The following DCAF1 variants were observed in gnomAD, a reference collection of about 807,000 sequenced individuals.
The protein encoded by DCAF1 is DDB1- and CUL4-associated factor 1.
Under a neutral mutation model 128.0 loss-of-function variants are expected in DCAF1, and 15 were observed. The observed-to-expected ratio is 0.12, with a 90% CI of 0.08 to 0.18. The LOEUF (loss-of-function observed/expected upper bound fraction) is 0.18. Ranked by LOEUF, DCAF1 falls within the 10% of genes least tolerant of loss-of-function variation. The pLI, the probability that DCAF1 is intolerant of heterozygous loss-of-function variation, is 1.00. For synonymous variants in DCAF1, 610 were observed against 603.0 expected (o/e 1.01, Z -0.17); for missense variants, 988 against 1,649.5 (o/e 0.60, Z 6.95).
intron 2 of DCAF1, among the ~76,000 whole-genome samples, chr3:51,490,417 C>T (rs868984618): frequency 2.0e-5 from 3 of 151,964 alleles, no homozygotes; most frequent in Non-Finnish European, 4.4e-5. Context: ...GAAGACATAG[C>T]GGGACCCTGT....
intron 2 of DCAF1, among the ~76,000 whole-genome samples, chr3:51,488,923 C>A (rs1553656687): frequency 6.6e-6 from 1 of 152,132 alleles, no homozygotes; most frequent in African/African-American, 2.4e-5. Flanking sequence ...CAAGATAGCA[C>A]CACTGCATTC....
chr3:51,403,570 C>A (rs1553625704), intron 23 of DCAF1, among the ~76,000 whole-genome samples, 175 bp from the exon 24 acceptor site: 1 of 152,212 alleles, frequency 6.6e-6, no homozygotes. Flanking sequence ...CTGAGATAGG[C>A]ACACATGTCC....
intron 7 of DCAF1, among the ~76,000 whole-genome samples, chr3:51,443,447 G>A (rs1466483134): frequency 6.6e-6 from 1 of 151,948 alleles, no homozygotes; most frequent in Non-Finnish European, 1.5e-5. Flanking sequence ...AAAATTAGCT[G>A]GGCATAGTAG....
At chr3:51,421,583 C>A (rs1699396338) in intron 14 of DCAF1, among the ~76,000 whole-genome samples, 2 of 152,090 alleles carry the variant, frequency 1.3e-5, no homozygotes, top group South Asian at 4.1e-4. Flanking sequence ...TTTTAATACA[C>A]TAAAACCTTA....
At chr3:51,405,807 T>G (rs1553626430) in intron 23 of DCAF1, among the ~76,000 whole-genome samples, 1 of 152,056 alleles carries the variant, frequency 6.6e-6, no homozygotes. Context: ...CTCCTTCAGA[T>G]CTAAAGAATA....
At chr3:51,496,218 AGT>A (rs1708222841) in intron 2 of DCAF1, among the ~76,000 whole-genome samples, 1 of 152,074 alleles carries the variant, frequency 6.6e-6, no homozygotes, top group Non-Finnish European at 1.5e-5. Flanking sequence ...CAAGGTCAGG[AGT>A]TCGAGACCAC....
chr3:51,478,506 C>T (rs1553651517), intron 3 of DCAF1, among the ~76,000 whole-genome samples: 1 of 152,140 alleles, frequency 6.6e-6, no homozygotes, highest in African/African-American at 2.4e-5. Flanking sequence ...GTGAATGAAT[C>T]CACATAACCA....
intron 6 of DCAF1, among the ~76,000 whole-genome samples, chr3:51,445,840 G>A (rs73078648): frequency 1.3e-5 from 2 of 152,124 alleles, no homozygotes; most frequent in African/African-American, 4.8e-5. Flanking sequence ...CTATCAGTCT[G>A]ATGGGTGTAA....
intron 18 of DCAF1, among the ~76,000 whole-genome samples, chr3:51,416,087 AC>A (rs1698854563): frequency 6.6e-6 from 1 of 151,942 alleles, no homozygotes; most frequent in Non-Finnish European, 1.5e-5. Context: ...TGCTTCTCTC[AC>A]AAAAACCAGA....
intron 3 of DCAF1, among the ~76,000 whole-genome samples, chr3:51,473,315 T>C (rs1362265613): frequency 1.3e-5 from 2 of 148,438 alleles, no homozygotes; most frequent in African/African-American, 5.0e-5. Flanking sequence ...AGACTGACAC[T>C]CTATAATAAT....
chr3:51,498,590 A>G (rs984879082), intron 1 of DCAF1, among the ~76,000 whole-genome samples: 3 of 152,160 alleles, frequency 2.0e-5, no homozygotes, highest in African/African-American at 7.2e-5. Context: ...AATAAAAATA[A>G]AAAATTTTAA....
intron 11 of DCAF1, among the ~76,000 whole-genome samples, 161 bp from the exon 12 acceptor site, chr3:51,429,631 T>C (rs574032708): frequency 3.9e-5 from 6 of 152,262 alleles, no homozygotes; most frequent in African/African-American, 1.4e-4. Flanking sequence ...GACTGACAAA[T>C]ATCAACGCAT....
chr3:51,501,076 C>T (rs922682209), upstream of DCAF1, among the ~76,000 whole-genome samples: 7 of 152,176 alleles, frequency 4.6e-5, no homozygotes, highest in East Asian at 1.9e-4. Context: ...CTCGGCCCCC[C>T]GAAGTGTTGG....
intron 6 of DCAF1, among the ~76,000 whole-genome samples, chr3:51,457,510 C>T (rs1703055628): frequency 6.6e-6 from 1 of 152,168 alleles, no homozygotes; most frequent in East Asian, 1.9e-4. Context: ...TCCAGGAGAA[C>T]TTCCCCAATC....
chr3:51,501,727 G>A (rs550478776), upstream of DCAF1, among the ~76,000 whole-genome samples: 5 of 152,170 alleles, frequency 3.3e-5, no homozygotes, highest in South Asian at 2.1e-4. Context: ...TGCTGGGAGC[G>A]CCACAGACAT....
intron 6 of DCAF1, among the ~76,000 whole-genome samples, chr3:51,447,592 C>T (rs1702000602): frequency 6.6e-6 from 1 of 152,204 alleles, no homozygotes; most frequent in East Asian, 1.9e-4. Flanking sequence ...CTTCCACTGA[C>T]ATGTTATGAA....
intron 19 of DCAF1, 122 bp from the exon 20 acceptor site, chr3:51,414,165 G>T: frequency 3.8e-6 from 5 of 1,314,224 alleles, no homozygotes; most frequent in Non-Finnish European, 5.0e-6. Flanking sequence ...AAGTCAATGA[G>T]ATCAAGGTAA....
At chr3:51,455,773 T>A (rs1702831038) in intron 6 of DCAF1, among the ~76,000 whole-genome samples, 1 of 152,016 alleles carries the variant, frequency 6.6e-6, no homozygotes, top group Non-Finnish European at 1.5e-5. Flanking sequence ...GGCACGAGCC[T>A]GTAGTCCCAG....
Position 51,418,756 on chromosome 3 carries a change from G to A in DCAF1, c.3357C>T (p.Leu1119=). The A allele has an allele frequency of 1.2e-6, 2 of 1,613,960 alleles. No homozygotes were observed. Among genetic ancestry groups the A allele is most frequent in the Non-Finnish European group, 1.7e-6 (2 of 1,179,886 alleles). Residue 1119 remains leucine (L), a synonymous_variant, in exon 16 of 25, where the codon CTC becomes CTT. Coordinates refer to ENST00000684031, the MANE Select transcript of DCAF1 (RefSeq NM_001387579.1). ...MLGTCTGQLK[L]YNVFSGQEEA... Reference sequence around the variant, plus strand: ...CCTCCTGTCCACTAAACACATTATAGAGCTTCAGCTGCCCTGTGCAGGTGC... The same window carrying A: ...CCTCCTGTCCACTAAACACATTATAAAGCTTCAGCTGCCCTGTGCAGGTGC...
Sources: gnomAD v4.1 joint callset for allele counts (sites outside exome capture counted in the v4.1 genomes callset) on GRCh38, gnomAD v4.1.1 for gene constraint, MANE v1.5 for transcripts, NCBI Gene and HGNC (gene_info 2026-07-23, HGNC 2026-07-21) for gene names.